ST13: variants seen among roughly 807,000 people sequenced by gnomAD.
The protein encoded by ST13 is hsc70-interacting protein.
Under a neutral mutation model 56.7 loss-of-function variants are expected in ST13, and 23 were observed. That is an observed-to-expected ratio of 0.41 (90% CI 0.29 to 0.57). The LOEUF (loss-of-function observed/expected upper bound fraction) is 0.57. Ranked by LOEUF, ST13 falls within the 20% of genes least tolerant of loss-of-function variation. ST13 has a pLI of 0.36. For synonymous variants in ST13, 132 were observed against 142.4 expected (o/e 0.93, Z 0.52); for missense variants, 369 against 459.9 (o/e 0.80, Z 1.81).
At position 40,841,813 on chromosome 22, in the gene ST13, G is replaced by C. The variant is rs115830146; in HGVS notation, c.316-1121C>G. Among the ~76,000 whole-genome samples, 855 of 151,540 alleles carry C rather than the reference G, an allele frequency of 5.6e-3. 11 individuals are homozygous for C. The highest frequency in any genetic ancestry group is 0.02 in the African/African-American group (820 of 41,308). On this transcript the variant is annotated intron_variant, in intron 4 of 11. Coordinates refer to ENST00000216218, the MANE Select transcript of ST13 (RefSeq NM_003932.5). ...TCATCATGCTGCCCAGGCTGGTCTA[G>C]AACTCTTGGACTCAAGTGAGTTGCC... is the stretch of plus-strand genomic sequence containing the variant.
At chr22:40,831,977 C>A (rs998932707) in intron 8 of ST13, 2 of 261,016 alleles carry the variant, frequency 7.7e-6, no homozygotes, top group East Asian at 1.9e-4. Flanking sequence ...CTCAGCCTCC[C>A]GAGTAGCTGG....
In ST13 at chr22:40,835,792, A is replaced by G; in HGVS notation, c.467+11T>C. Reference sequence around the variant, plus strand: ...TTTGCCAGGGGATGCTTTTCTGTTTAGAGTTCTCACCTGGCCCTCTTGGCA... The same window carrying G: ...TTTGCCAGGGGATGCTTTTCTGTTTGGAGTTCTCACCTGGCCCTCTTGGCA... On this transcript the variant is annotated intron_variant, in intron 6 of 11. Coordinates refer to ENST00000216218, the MANE Select transcript of ST13 (RefSeq NM_003932.5). 1.2e-6 allele frequency: 2 copies of G among 1,613,318 alleles called. No individual in the cohort carries two copies. The highest frequency in any genetic ancestry group is 1.7e-6 in the Non-Finnish European group (2 of 1,179,324).
In ST13 at chr22:40,856,554, TGGGCGAAACTGGGG is replaced by T; in HGVS notation, c.-28_-15del. ...GCGGGGGTCCATGGTAGGGAGGTGG[TGGGCGAAACTGGGG>T]GGGCTACGGCCCGGTTCCAGGCCCA... On this transcript the variant is annotated 5_prime_UTR_variant, in exon 1 of 12. Transcript: ENST00000216218. The T allele has an allele frequency of 6.2e-7, 1 of 1,603,872 alleles. No homozygotes were observed.
chr22:40,828,596 G>A (rs1057471372), intron 10 of ST13, among the ~76,000 whole-genome samples: 1 of 151,788 alleles, frequency 6.6e-6, no homozygotes, highest in Non-Finnish European at 1.5e-5. Flanking sequence ...CTGGGCGACA[G>A]AGCGAGGCTC....
chr22:40,826,175 A>C lies in ST13; in HGVS notation c.*363T>G, dbSNP rs1232471097. ...TAACTTTTATTTCACTCAGAGCAGT[A>C]ATCTTCCATACATAAGTATATTCCC... On this transcript the variant is annotated 3_prime_UTR_variant, in exon 12 of 12. Transcript: ENST00000216218. 1 of 160,734 alleles carries C rather than the reference A, an allele frequency of 6.2e-6. No homozygotes were observed. Among genetic ancestry groups the C allele is most frequent in the African/African-American group, 2.4e-5 (1 of 41,748 alleles). 10.0% of individuals were successfully genotyped at this position (160,734 alleles called of 1,614,324 possible).
chr22:40,826,273 T>C lies in ST13; in HGVS notation c.*265A>G. On this transcript the variant is annotated 3_prime_UTR_variant, in exon 12 of 12. Coordinates refer to ENST00000216218, the MANE Select transcript of ST13 (RefSeq NM_003932.5). ...TATAAGAATTAACAGGCCCTTTAAA[T>C]TTGTTTTAAATATTTTGAAGATTTA... 3.8e-6 allele frequency: 1 copy of C among 259,796 alleles called. No individual in the cohort carries two copies. The allele number at this position is 259,796 out of a possible 1,614,324, so 16.1% of individuals were successfully genotyped here. A position where few individuals can be genotyped will look rare whatever the true frequency, so the allele number is the denominator to read the frequency against.
intron 5 of ST13, among the ~76,000 whole-genome samples, chr22:40,836,963 A>C (rs1180640271): frequency 6.6e-6 from 1 of 152,170 alleles, no homozygotes; most frequent in African/African-American, 2.4e-5. Flanking sequence ...ATACAAGCCC[A>C]CAACACTAAA....
At chr22:40,845,157 A>G (rs2057824761) in intron 3 of ST13, among the ~76,000 whole-genome samples, 1 of 152,218 alleles carries the variant, frequency 6.6e-6, no homozygotes. Flanking sequence ...AGTTTCTAGT[A>G]TTACACATAA....
At chr22:40,833,036 G>GA (rs750451279) in intron 7 of ST13, among the ~76,000 whole-genome samples, 1 of 152,170 alleles carries the variant, frequency 6.6e-6, no homozygotes, top group African/African-American at 2.4e-5. Context: ...AGACAGAAGA[G>GA]AAAATAATAC....
intron 4 of ST13, among the ~76,000 whole-genome samples, chr22:40,843,423 G>A (rs568224504): frequency 5.9e-5 from 9 of 152,142 alleles, no homozygotes; most frequent in African/African-American, 2.2e-4. Flanking sequence ...ACAAGACTTA[G>A]TATCAGACGA....
At chr22:40,833,402 T>C (rs2057762935) in intron 7 of ST13, among the ~76,000 whole-genome samples, 1 of 151,558 alleles carries the variant, frequency 6.6e-6, no homozygotes, top group African/African-American at 2.4e-5. Flanking sequence ...ACCCCATCTC[T>C]ACTAAAAATA....
Position 40,824,676 on chromosome 22 carries a change from T to A in ST13, c.*1862A>T, listed in dbSNP as rs971731305. On this transcript the variant is annotated 3_prime_UTR_variant, in exon 12 of 12. Transcript: ENST00000216218. ...ATATAATTAGGTTAAATAAATCAAATAAGGAATCCAGAAGAAACTGTTCTT... is the reference window on the plus strand; with the variant it reads ...ATATAATTAGGTTAAATAAATCAAAAAAGGAATCCAGAAGAAACTGTTCTT... 8.5e-5 allele frequency: 13 copies of A among 152,132 alleles called. No individual in the cohort carries two copies. The highest frequency in any genetic ancestry group is 1.8e-4 in the Non-Finnish European group (12 of 68,016). 9.4% of individuals were successfully genotyped at this position (152,132 alleles called of 1,614,324 possible).
intron 5 of ST13, among the ~76,000 whole-genome samples, chr22:40,837,356 C>T (rs992320464): frequency 7.2e-5 from 11 of 152,186 alleles, no homozygotes; most frequent in African/African-American, 2.4e-4. Context: ...TGGCTCACGC[C>T]TGTAATCTCA....
chr22:40,829,248 A>G (rs932799426), intron 10 of ST13, among the ~76,000 whole-genome samples: 6 of 152,174 alleles, frequency 3.9e-5, no homozygotes, highest in African/African-American at 1.4e-4. Context: ...ACAGTTGTTT[A>G]AAAAACAAAA....
chr22:40,845,156 T>C (rs1015663976), intron 3 of ST13, among the ~76,000 whole-genome samples: 1 of 152,202 alleles, frequency 6.6e-6, no homozygotes, highest in African/African-American at 2.4e-5. Context: ...CAGTTTCTAG[T>C]ATTACACATA....
chr22:40,831,557 C>A (rs1317665482), intron 8 of ST13, among the ~76,000 whole-genome samples: 6 of 152,154 alleles, frequency 3.9e-5, no homozygotes, highest in Non-Finnish European at 8.8e-5. Context: ...GATTCATATT[C>A]AACTGTCACT....
rs114189991 is a variant in ST13, at chr22:40,831,381, A to G, written c.682-425T>C. On this transcript the variant is annotated intron_variant, in intron 8 of 11. Transcript: ENST00000216218. Reference sequence around the variant, plus strand: ...AACTCATACCCCAAGTATATGCCACAGTATATTTAAGTTTCTGTATCCATA... The same window carrying G: ...AACTCATACCCCAAGTATATGCCACGGTATATTTAAGTTTCTGTATCCATA... Among the ~76,000 whole-genome samples the G allele has an allele frequency of 8.5e-3, 1,290 of 152,338 alleles. 19 individuals carry two copies. Among genetic ancestry groups the G allele is most frequent in the African/African-American group, 0.03 (1,249 of 41,554 alleles).
intron 3 of ST13, among the ~76,000 whole-genome samples, chr22:40,847,875 C>T (rs1196591451): frequency 1.3e-5 from 2 of 151,958 alleles, no homozygotes; most frequent in African/African-American, 2.4e-5. Context: ...GGTGAAAGCC[C>T]GTCTTTACTA....
Position 40,848,327 on chromosome 22 carries a change from C to T in ST13, c.211G>A (p.Ala71Thr). The T allele has an allele frequency of 6.2e-7, 1 of 1,613,560 alleles. No homozygotes were observed. The highest frequency in any genetic ancestry group is 1.7e-5 in the Admixed American group (1 of 60,020). The stretch of plus-strand genomic sequence containing the variant: ...CTTTCCTCACTTGATGGTTCGTCTG[C>T]CTTTAAGTCTTCCTCCACCTTCTTA... The part of the protein sequence containing the change: ...DSKKVEEDLK[A>T]DEPSSEESDL... Residue 71 changes from alanine to threonine, a missense_variant, in exon 3 of 12, where the codon GCA becomes ACA. Transcript: ENST00000216218.
Sources: allele counts gnomAD v4.1 joint callset (sites outside exome capture counted in the v4.1 genomes callset), GRCh38; gene constraint gnomAD v4.1.1; transcripts MANE v1.5; gene names NCBI Gene and HGNC (gene_info 2026-07-23, HGNC 2026-07-21).